The following RBBP4 variants were observed in gnomAD, a reference collection of about 807,000 sequenced individuals.
RBBP4 encodes the protein RB binding protein 4, chromatin remodeling factor.
Under a neutral mutation model 57.2 loss-of-function variants are expected in RBBP4, and 3 were observed. The ratio of observed to expected loss-of-function variants is 0.05; its 90% CI spans 0.02 to 0.14. The LOEUF (loss-of-function observed/expected upper bound fraction) is 0.14. RBBP4 is among the 10% of genes least tolerant of loss of function. The pLI, the probability that RBBP4 is intolerant of heterozygous loss-of-function variation, is 1.00. For missense variants in RBBP4, 107 were observed against 520.6 expected (o/e 0.21, Z 7.73); for synonymous variants, 151 against 171.5 (o/e 0.88, Z 0.93).
At chr1:32,651,529 T>A in intron 1 of RBBP4, 1 of 1,301,082 alleles carries the variant, frequency 7.7e-7, no homozygotes, top group Non-Finnish European at 9.9e-7. Context: ...AAGCCAGCGG[T>A]GGGGCCCCCG....
intron 3 of RBBP4, among the ~76,000 whole-genome samples, chr1:32,662,674 T>G (rs1648475699): frequency 6.6e-6 from 1 of 151,806 alleles, no homozygotes; most frequent in African/African-American, 2.4e-5. Context: ...ATGCCCAGCC[T>G]AGTTTTGTTT....
intron 8 of RBBP4, among the ~76,000 whole-genome samples, chr1:32,670,840 T>G (rs1430670806): frequency 6.6e-6 from 1 of 152,218 alleles, no homozygotes; most frequent in Non-Finnish European, 1.5e-5. Context: ...TTAATTCTGG[T>G]GTGTGAAGGT....
Position 32,685,466 on chromosome 1 carries a change from G to A in RBBP4, c.*5761G>A, listed in dbSNP as rs1314336423. 1 of 152,220 alleles carries A rather than the reference G, an allele frequency of 6.6e-6. No individual in the cohort carries two copies. The highest frequency in any genetic ancestry group is 2.4e-5 in the African/African-American group (1 of 41,460). The allele number at this position is 152,220 out of a possible 1,614,324, so 9.4% of individuals were successfully genotyped here. The stretch of plus-strand genomic sequence containing the variant: ...CGAGAGTGATTTTACCTCAGATTTT[G>A]AAGAATACTAAGGAATCCAGTTGTT... On this transcript the variant is annotated 3_prime_UTR_variant, in exon 12 of 12. Coordinates refer to ENST00000373493, the MANE Select transcript of RBBP4 (RefSeq NM_005610.3).
chr1:32,675,990 G>A (rs779696393), intron 11 of RBBP4, among the ~76,000 whole-genome samples: 3 of 152,036 alleles, frequency 2.0e-5, no homozygotes, highest in Non-Finnish European at 2.9e-5. Context: ...GGGAGGCCGA[G>A]GCAGGAGGAT....
At chr1:32,655,223 C>T (rs1461645813) in intron 2 of RBBP4, among the ~76,000 whole-genome samples, 1 of 152,002 alleles carries the variant, frequency 6.6e-6, no homozygotes, top group Non-Finnish European at 1.5e-5. Flanking sequence ...GTGATCCTCC[C>T]ACTTTGACCT....
intron 2 of RBBP4, among the ~76,000 whole-genome samples, chr1:32,652,789 G>T (rs574738145): frequency 6.6e-6 from 1 of 151,840 alleles, no homozygotes. Flanking sequence ...CTGGTGATCC[G>T]CCCGCCTCTG....
intron 8 of RBBP4, 82 bp from the exon 9 acceptor site, chr1:32,672,368 T>C: frequency 8.9e-7 from 1 of 1,128,504 alleles, no homozygotes; most frequent in Non-Finnish European, 1.3e-6. Flanking sequence ...TACAAAATTT[T>C]TAAATTGTTA....
At chr1:32,655,266 C>T (rs1050425081) in intron 2 of RBBP4, among the ~76,000 whole-genome samples, 4 of 152,142 alleles carry the variant, frequency 2.6e-5, no homozygotes, top group African/African-American at 7.2e-5. Flanking sequence ...CATGAGCCAC[C>T]GTGCCTGGCC....
intron 11 of RBBP4, among the ~76,000 whole-genome samples, chr1:32,678,151 C>T (rs924722302): frequency 6.6e-6 from 1 of 152,162 alleles, no homozygotes; most frequent in Non-Finnish European, 1.5e-5. Context: ...AAAAGAAACC[C>T]TGTACCCATT....
intron 3 of RBBP4, 141 bp from the exon 4 acceptor site, chr1:32,668,084 T>A: frequency 1.4e-6 from 1 of 728,396 alleles, no homozygotes; most frequent in Non-Finnish European, 2.2e-6. Context: ...CACTTTATAG[T>A]GCTAGCAAAT....
rs940720940 is a variant in RBBP4 at position 32,679,499 on chromosome 1, GT to G, written c.1213-139del. On this transcript the variant is annotated intron_variant, in intron 11 of 11. Transcript: ENST00000373493. Reference sequence around the variant, plus strand: ...TGTCTCCGGATACTTTCATCCAAGAGTTGAATAGTTGTAACACAGATTGTGT... The same window carrying G: ...TGTCTCCGGATACTTTCATCCAAGAGTGAATAGTTGTAACACAGATTGTGT... 9.1e-5 allele frequency: 56 copies of G among 617,500 alleles called. No individual in the cohort carries two copies. In the Admixed American group the frequency reaches 1.0e-3, roughly 11 times the overall value. 38.3% of individuals were successfully genotyped at this position (617,500 alleles called of 1,614,324 possible). A position where few individuals can be genotyped will look rare whatever the true frequency, so the allele number is the denominator to read the frequency against.
At chr1:32,662,190 GT>G in intron 3 of RBBP4, 16 of 328,088 alleles carry the variant, frequency 4.9e-5, no homozygotes, top group East Asian at 2.1e-4. Context: ...GGGTTTTTTT[GT>G]TTTTTTGGGG....
In RBBP4 at chr1:32,681,936, T is replaced by C; in HGVS notation, c.*2231T>C. 6.0e-6 allele frequency: 8 copies of C among 1,332,682 alleles called. No individual in the cohort carries two copies. Among genetic ancestry groups the C allele is most frequent in the Admixed American group, 5.1e-5 (3 of 58,668 alleles). The allele number at this position is 1,332,682 out of a possible 1,614,324, so 82.6% of individuals were successfully genotyped here. ...TACTGCAGGCTTTGTTGAGAAGAGA[T>C]TGTTACAGTGTGATTTATGGATGAT... On this transcript the variant is annotated 3_prime_UTR_variant, in exon 12 of 12. Coordinates refer to ENST00000373493, the MANE Select transcript of RBBP4 (RefSeq NM_005610.3).
At chr1:32,655,257 A>T (rs956201483) in intron 2 of RBBP4, among the ~76,000 whole-genome samples, 1 of 152,136 alleles carries the variant, frequency 6.6e-6, no homozygotes, top group African/African-American at 2.4e-5. Context: ...GATTACAGAC[A>T]TGAGCCACCG....
intron 2 of RBBP4, among the ~76,000 whole-genome samples, chr1:32,656,236 C>A (rs945597198): frequency 6.6e-6 from 1 of 152,052 alleles, no homozygotes; most frequent in African/African-American, 2.4e-5. Context: ...TCTCTGTCAC[C>A]CAGGCTGGAG....
In RBBP4 at chr1:32,652,069, G is replaced by A; in HGVS notation, c.164+8G>A. On this transcript the variant is annotated splice_region_variant and intron_variant, in intron 2 of 11. Coordinates refer to ENST00000373493, the MANE Select transcript of RBBP4 (RefSeq NM_005610.3). ...GCTTCCAGATGTAACCAGGTGACATGACTCTCCCGAACGTTATTTTGATGT... is the reference window on the plus strand; with the variant it reads ...GCTTCCAGATGTAACCAGGTGACATAACTCTCCCGAACGTTATTTTGATGT... The A allele has an allele frequency of 6.2e-7, 1 of 1,609,040 alleles. No homozygotes were observed. Among genetic ancestry groups the A allele is most frequent in the Non-Finnish European group, 8.5e-7 (1 of 1,177,736 alleles).
intron 3 of RBBP4, among the ~76,000 whole-genome samples, chr1:32,657,851 C>T (rs1648209913): frequency 6.6e-6 from 1 of 151,852 alleles, no homozygotes; most frequent in African/African-American, 2.4e-5. Context: ...TATTGCTGTA[C>T]ATTCTTGATT....
chr1:32,656,911 G>A (rs1317355080), intron 2 of RBBP4, among the ~76,000 whole-genome samples: 1 of 152,156 alleles, frequency 6.6e-6, no homozygotes, highest in African/African-American at 2.4e-5. Context: ...CCTGTTGGTA[G>A]TGAGTGAGTA....
intron 3 of RBBP4, among the ~76,000 whole-genome samples, chr1:32,658,909 A>G (rs1270764967): frequency 7.3e-6 from 1 of 137,070 alleles, no homozygotes; most frequent in Non-Finnish European, 1.5e-5. Flanking sequence ...TTATATGTGT[A>G]ATTTTACACA....
Sources: allele counts gnomAD v4.1 joint callset (sites outside exome capture counted in the v4.1 genomes callset), GRCh38; gene constraint gnomAD v4.1.1; transcripts MANE v1.5; gene names NCBI Gene and HGNC (gene_info 2026-07-23, HGNC 2026-07-21).